Variants in AMN1 observed in about 807,000 individuals in gnomAD.
The protein encoded by AMN1 is protein AMN1 homolog.
AMN1 carries 20 observed loss-of-function variants against 33.0 expected under a neutral mutation model. That is an observed-to-expected ratio of 0.61 (90% CI 0.43 to 0.88). The LOEUF is 0.88. AMN1 is among the 40% of genes least tolerant of loss of function. The probability of loss-of-function intolerance (pLI) is 0.00; values close to 1 mark genes in which losing one functional copy is unlikely to be tolerated. For synonymous variants in AMN1, 114 were observed against 111.9 expected, an observed-to-expected ratio of 1.02 and a Z score of -0.12; for missense variants, 246 against 307.4, an observed-to-expected ratio of 0.80 and a Z score of 1.49.
At chr12:31,690,769 G>C (rs1325472751) in intron 5 of AMN1, among the ~76,000 whole-genome samples, 1 of 152,020 alleles carries the variant, frequency 6.6e-6, no homozygotes, top group Non-Finnish European at 1.5e-5. Context: ...TTAATTCCCA[G>C]CTATTTATCT....
intron 2 of AMN1, among the ~76,000 whole-genome samples, chr12:31,706,612 T>C (rs1378622631): frequency 1.3e-5 from 2 of 152,242 alleles, no homozygotes; most frequent in South Asian, 2.1e-4. Flanking sequence ...TTATCTACTC[T>C]GCTATTTAAT....
chr12:31,701,998 G>C lies in AMN1; in HGVS notation c.181C>G (p.Pro61Ala), dbSNP rs1186100220. ...CGTAGATCTAGAGTTTGGACTTCAG[G>C]ATGTAAAATCTATAACAAATAAGTG... ...TDSNISEILH[P>A]EVQTLDLRSC... Residue 61 changes from proline (P) to alanine (A), a missense_variant, in exon 3 of 7, where the codon CCT (proline) becomes GCT (alanine). By Grantham distance (27) the Pro-to-Ala change is conservative (BLOSUM62 -1). Coordinates refer to ENST00000281471, the MANE Select transcript of AMN1 (RefSeq NM_001113402.2). 1.3e-6 allele frequency: 2 copies of C among 1,593,738 alleles called. No homozygotes were observed. Among genetic ancestry groups the C allele is most frequent in the Non-Finnish European group, 1.7e-6 (2 of 1,173,726 alleles).
chr12:31,712,405 G>A (rs1034652927), intron 1 of AMN1, among the ~76,000 whole-genome samples: 4 of 150,864 alleles, frequency 2.7e-5, no homozygotes, highest in African/African-American at 4.9e-5. Flanking sequence ...ATGCCACCAC[G>A]CCCGGCTAAT....
intron 3 of AMN1, among the ~76,000 whole-genome samples, chr12:31,698,876 T>C (rs1938854141): frequency 6.6e-6 from 1 of 152,022 alleles, no homozygotes; most frequent in Admixed American, 6.5e-5. Flanking sequence ...ATTTCCTGAG[T>C]GACCGGAGTG....
At chr12:31,709,076 GC>G in intron 2 of AMN1, 1 of 600,712 alleles carries the variant, frequency 1.7e-6, no homozygotes, top group African/African-American at 1.8e-5. Context: ...TACTCAGGAG[GC>G]TGAAGAGGGA....
chr12:31,673,206 C>T (rs1017187124), intron 6 of AMN1: 2 of 151,310 alleles, frequency 1.3e-5, no homozygotes, highest in Non-Finnish European at 2.9e-5. Context: ...CTAACCTAGT[C>T]TTGGAAATCC....
At chr12:31,728,834 C>T in intron 1 of AMN1, 137 bp downstream of exon 1, 1 of 1,000,122 alleles carries the variant, frequency 1.0e-6, no homozygotes, top group East Asian at 2.9e-5. Flanking sequence ...AACCCAGGGA[C>T]AGAAACACAC....
intron 2 of AMN1, among the ~76,000 whole-genome samples, chr12:31,703,615 T>G (rs1320720799): frequency 6.6e-6 from 1 of 152,194 alleles, no homozygotes; most frequent in Non-Finnish European, 1.5e-5. Context: ...CATGTTGCTG[T>G]AAAGGACATG....
Position 31,728,959 on chromosome 12 carries a change from G to T in AMN1, c.38+12C>A. ...GGGCGGCGCGAAGGGAGGCGGGACAGGGTAGACTCACAGATCCAGGAGCTG... is the reference window on the plus strand; with the variant it reads ...GGGCGGCGCGAAGGGAGGCGGGACATGGTAGACTCACAGATCCAGGAGCTG... On this transcript the variant is annotated intron_variant, in intron 1 of 6. Coordinates refer to ENST00000281471, the MANE Select transcript of AMN1 (RefSeq NM_001113402.2). The T allele has an allele frequency of 6.5e-7, 1 of 1,546,230 alleles. No homozygotes were observed. The highest frequency in any genetic ancestry group is 8.7e-7 in the Non-Finnish European group (1 of 1,143,702).
At chr12:31,726,174 T>TG (rs750624948) in intron 1 of AMN1, among the ~76,000 whole-genome samples, 83 of 150,662 alleles carry the variant, frequency 5.5e-4, no homozygotes, top group East Asian at 1.0e-3. Context: ...TTTTTTTTTT[T>TG]TGGGGGGACG....
At position 31,702,929 on chromosome 12, in the gene AMN1, G is replaced by T. The variant is rs185103922; in HGVS notation, c.172-922C>A. 1.9e-3 allele frequency among the ~76,000 whole-genome samples: 289 copies of T among 152,248 alleles called. 1 individual carries two copies. Among genetic ancestry groups the T allele is most frequent in the African/African-American group, 6.8e-3 (281 of 41,546 alleles). On this transcript the variant is annotated intron_variant, in intron 2 of 6. Transcript: ENST00000281471. Reference sequence around the variant, plus strand: ...TTTTGTATTTTTTAGTAGAGATGTGGTTTCTCCATGTTGGTCAGGCTGGTC... The same window carrying T: ...TTTTGTATTTTTTAGTAGAGATGTGTTTTCTCCATGTTGGTCAGGCTGGTC...
intron 3 of AMN1, among the ~76,000 whole-genome samples, chr12:31,701,607 G>A (rs375620380): frequency 6.6e-6 from 1 of 152,128 alleles, no homozygotes; most frequent in African/African-American, 2.4e-5. Context: ...CACCTAGCCT[G>A]GCCCATGTTT....
chr12:31,680,110 GA>G (rs1284663999), intron 6 of AMN1, among the ~76,000 whole-genome samples: 4 of 138,540 alleles, frequency 2.9e-5, no homozygotes, highest in African/African-American at 1.1e-4. Context: ...AACAAAGAGT[GA>G]AACTCCATCT....
Position 31,672,104 on chromosome 12 carries a change from A to G in AMN1, c.*200T>C, listed in dbSNP as rs1194612429. ...ACTCATCCAACAGATATAGAATAAT[A>G]GCACTTTAAAGATGTTTAAGAGTAA... On this transcript the variant is annotated 3_prime_UTR_variant, in exon 7 of 7. Transcript: ENST00000281471. The G allele has an allele frequency of 2.0e-6, 1 of 492,888 alleles. No homozygotes were observed. Among genetic ancestry groups the G allele is most frequent in the East Asian group, 3.2e-5 (1 of 31,366 alleles). 30.5% of individuals were successfully genotyped at this position (492,888 alleles called of 1,614,324 possible).
chr12:31,707,170 A>C (rs1222115328), intron 2 of AMN1, among the ~76,000 whole-genome samples: 3 of 152,204 alleles, frequency 2.0e-5, no homozygotes, highest in Non-Finnish European at 2.9e-5. Flanking sequence ...ATATTTTTTC[A>C]GTAAAATAAG....
At chr12:31,684,611 C>T (rs1480649526) in intron 6 of AMN1, among the ~76,000 whole-genome samples, 1 of 151,988 alleles carries the variant, frequency 6.6e-6, no homozygotes, top group East Asian at 1.9e-4. Context: ...GCTGGGACTA[C>T]AGGCGCCCGC....
intron 6 of AMN1, among the ~76,000 whole-genome samples, chr12:31,686,271 C>A (rs758581226): frequency 2.0e-5 from 3 of 151,994 alleles, no homozygotes; most frequent in Non-Finnish European, 4.4e-5. Context: ...CATGGTGAAA[C>A]CCTGTCTCTA....
intron 2 of AMN1, among the ~76,000 whole-genome samples, chr12:31,704,488 CTT>C (rs1565775344): frequency 7.4e-6 from 1 of 135,786 alleles, no homozygotes; most frequent in East Asian, 2.0e-4. Flanking sequence ...AAGTTTTTGA[CTT>C]TGTTTCTTTT....
In AMN1 at chr12:31,702,018, T is replaced by G; in HGVS notation, c.172-11A>C. On this transcript the variant is annotated splice_polypyrimidine_tract_variant and intron_variant, in intron 2 of 6. Transcript: ENST00000281471. ...TTCAGGATGTAAAATCTATAACAAA[T>G]AAGTGATTTTGAAAAAATTATTTCT... The G allele has an allele frequency of 3.2e-6, 5 of 1,569,542 alleles. No individual in the cohort carries two copies. The highest frequency in any genetic ancestry group is 4.3e-6 in the Non-Finnish European group (5 of 1,163,564).
Sources: allele counts gnomAD v4.1 joint callset (sites outside exome capture counted in the v4.1 genomes callset), GRCh38; gene constraint gnomAD v4.1.1; transcripts MANE v1.5; gene names NCBI Gene and HGNC (gene_info 2026-07-23, HGNC 2026-07-21).